The following LYPD6B variants were observed in gnomAD, a reference collection of about 807,000 sequenced individuals.
The protein encoded by LYPD6B is ly6/PLAUR domain-containing protein 6B.
LYPD6B carries 17 observed loss-of-function variants against 22.8 expected under a neutral mutation model. The observed-to-expected ratio is 0.75, with a 90% CI of 0.51 to 1.12. The LOEUF (loss-of-function observed/expected upper bound fraction) is 1.12. LYPD6B is among the 50% of genes most tolerant of loss of function. The pLI is 0.00. For missense variants in LYPD6B, 221 were observed against 258.3 expected, an observed-to-expected ratio of 0.86 and a Z score of 0.99; for synonymous variants, 106 against 91.6, an observed-to-expected ratio of 1.16 and a Z score of -0.90.
chr2:149,213,176 TC>T, intron 6 of LYPD6B, 54 bp downstream of exon 6: 2 of 1,602,588 alleles, frequency 1.2e-6, no homozygotes, highest in Non-Finnish European at 1.7e-6. Context: ...GTAATGTAAG[TC>T]GTAGATCAAA....
intron 1 of LYPD6B, among the ~76,000 whole-genome samples, chr2:149,098,725 G>C (rs576904110): frequency 6.8e-6 from 1 of 146,572 alleles, no homozygotes; most frequent in African/African-American, 2.5e-5. Flanking sequence ...TTGGAACTTT[G>C]TTTTATGTAT....
At chr2:149,137,966 A>G (rs567900293) in intron 2 of LYPD6B, among the ~76,000 whole-genome samples, 10 of 152,304 alleles carry the variant, frequency 6.6e-5, no homozygotes, top group South Asian at 2.1e-4. Flanking sequence ...TTAGGAGTTA[A>G]TCTTTTCACT....
chr2:149,154,834 T>C (rs773398733), intron 2 of LYPD6B, among the ~76,000 whole-genome samples: 7 of 152,170 alleles, frequency 4.6e-5, no homozygotes, highest in Non-Finnish European at 1.0e-4. Context: ...TGTCCAATGC[T>C]ATATGCTAGG....
intron 1 of LYPD6B, among the ~76,000 whole-genome samples, chr2:149,127,064 G>A (rs1016989247): frequency 6.6e-6 from 1 of 150,478 alleles, no homozygotes; most frequent in Non-Finnish European, 1.5e-5. Flanking sequence ...ATTCTCTATG[G>A]CTAGTTTGCA....
intron 1 of LYPD6B, among the ~76,000 whole-genome samples, chr2:149,073,292 G>C (rs992656048): frequency 1.3e-5 from 2 of 152,170 alleles, no homozygotes; most frequent in Non-Finnish European, 1.5e-5. Context: ...GAGGCACCCT[G>C]ACAGCTTCAC....
intron 1 of LYPD6B, among the ~76,000 whole-genome samples, chr2:149,106,096 T>G (rs1288523571): frequency 1.3e-5 from 2 of 152,106 alleles, no homozygotes; most frequent in African/African-American, 4.8e-5. Flanking sequence ...TTACACTGAC[T>G]TTTTTTCATG....
chr2:149,164,691 C>A (rs1044491029), intron 3 of LYPD6B, among the ~76,000 whole-genome samples: 25 of 152,168 alleles, frequency 1.6e-4, no homozygotes, highest in African/African-American at 6.0e-4. Context: ...TCCATCTTCC[C>A]AAATTTGATC....
chr2:149,191,415 C>G (rs1432037038), intron 3 of LYPD6B, among the ~76,000 whole-genome samples: 3 of 152,030 alleles, frequency 2.0e-5, no homozygotes, highest in Non-Finnish European at 2.9e-5. Flanking sequence ...TTCCTGGCCA[C>G]TCACTTGTCC....
In LYPD6B at chr2:149,129,285, G is replaced by A. The variant is rs772899764; in HGVS notation, c.-66-1598G>A. Among the ~76,000 whole-genome samples the A allele has an allele frequency of 5.9e-5, 9 of 152,162 alleles. No homozygotes were observed. In the South Asian group the frequency reaches 6.2e-4, roughly 11 times the overall value. ...AACAAATAAATTTAAGAGCTATAGCGGGTGAAGTTACTTAGGGTATAAATG... is the reference window on the plus strand; with the variant it reads ...AACAAATAAATTTAAGAGCTATAGCAGGTGAAGTTACTTAGGGTATAAATG... On this transcript the variant is annotated intron_variant, in intron 1 of 6. Coordinates refer to ENST00000409642, the MANE Select transcript of LYPD6B (RefSeq NM_177964.5).
chr2:149,214,768 GT>G lies in LYPD6B; in HGVS notation c.*59del. 2 of 1,551,382 alleles carry G rather than the reference GT, an allele frequency of 1.3e-6. No homozygotes were observed. The highest frequency in any genetic ancestry group is 4.5e-5 in the East Asian group (2 of 44,412). On this transcript the variant is annotated 3_prime_UTR_variant, in exon 7 of 7. Transcript: ENST00000409642. ...CTCTAAAGCACAAGCCAAAAACTGT[GT>G]GAACGGTGAACTTTGGAGTGAAGAT...
intron 3 of LYPD6B, among the ~76,000 whole-genome samples, chr2:149,167,951 T>G (rs1428695182): frequency 6.6e-6 from 1 of 152,020 alleles, no homozygotes; most frequent in Non-Finnish European, 1.5e-5. Context: ...GTGTGGTGGC[T>G]CATGCCTGTA....
chr2:149,202,280 C>T (rs1305811937), intron 3 of LYPD6B, among the ~76,000 whole-genome samples: 1 of 152,132 alleles, frequency 6.6e-6, no homozygotes, highest in Non-Finnish European at 1.5e-5. Flanking sequence ...AAAATTCTTG[C>T]TATGGCCTGT....
intron 3 of LYPD6B, among the ~76,000 whole-genome samples, chr2:149,179,323 T>C (rs187944075): frequency 9.7e-4 from 148 of 152,360 alleles, no homozygotes; most frequent in African/African-American, 3.5e-3. Context: ...AAACCAAGTC[T>C]ACCAATCTCA....
chr2:149,098,349 G>A (rs1686001909), intron 1 of LYPD6B, among the ~76,000 whole-genome samples: 1 of 152,080 alleles, frequency 6.6e-6, no homozygotes, highest in African/African-American at 2.4e-5. Flanking sequence ...TTTGGGCCGA[G>A]TGTGGTAGCT....
chr2:149,082,538 G>A (rs1558986756), intron 1 of LYPD6B, among the ~76,000 whole-genome samples: 2 of 152,150 alleles, frequency 1.3e-5, no homozygotes, highest in Non-Finnish European at 1.5e-5. Context: ...AGATGACTTA[G>A]CATTCTGAAT....
At chr2:149,165,009 C>T (rs1262744827) in intron 3 of LYPD6B, among the ~76,000 whole-genome samples, 2 of 152,106 alleles carry the variant, frequency 1.3e-5, no homozygotes, top group East Asian at 3.9e-4. Flanking sequence ...CATTTGGGCT[C>T]AGCTGGGTGG....
rs557569058 is a variant in LYPD6B at position 149,125,806 on chromosome 2, C to T, written c.-66-5077C>T. 1.5e-4 allele frequency among the ~76,000 whole-genome samples: 23 copies of T among 152,292 alleles called. No individual in the cohort carries two copies. The South Asian group carries it at 4.8e-3, about 32-fold the overall frequency. On this transcript the variant is annotated intron_variant, in intron 1 of 6. Coordinates refer to ENST00000409642, the MANE Select transcript of LYPD6B (RefSeq NM_177964.5). Reference sequence around the variant, plus strand: ...TCATTTAAGATTACCTACCTATATACCAACTTTTCTAATCCTTGACATTCC... The same window carrying T: ...TCATTTAAGATTACCTACCTATATATCAACTTTTCTAATCCTTGACATTCC...
intron 5 of LYPD6B, among the ~76,000 whole-genome samples, chr2:149,211,817 A>T (rs1228152543): frequency 6.6e-6 from 1 of 152,154 alleles, no homozygotes; most frequent in Non-Finnish European, 1.5e-5. Context: ...TATAAAAGAG[A>T]CACAGAACCA....
chr2:149,213,169 A>C (rs1383078447), intron 6 of LYPD6B, 47 bp downstream of exon 6: 2 of 1,607,336 alleles, frequency 1.2e-6, no homozygotes, highest in African/African-American at 2.7e-5. Context: ...CATCCTAGTA[A>C]TGTAAGTCGT....
Sources: allele counts gnomAD v4.1 joint callset (sites outside exome capture counted in the v4.1 genomes callset), GRCh38; gene constraint gnomAD v4.1.1; transcripts MANE v1.5; gene names NCBI Gene and HGNC (gene_info 2026-07-23, HGNC 2026-07-21).